The following SLC71A1 variants were observed in gnomAD, a reference collection of about 807,000 sequenced individuals.
The protein encoded by SLC71A1 is hippocampus abundant gene transcript 1.
At chr1:100,076,878 T>A in the SLC71A1 span, among the ~76,000 whole-genome samples, 6 of 152,216 alleles carry the variant, frequency 3.9e-5, no homozygotes, top group Non-Finnish European at 8.8e-5. Context: ...GTTAGAACTT[T>A]TGACCCTTCC....
the SLC71A1 span, chr1:100,077,343 T>C: frequency 2.5e-6 from 2 of 804,232 alleles, no homozygotes; most frequent in Non-Finnish European, 2.1e-6. Context: ...TTTTATTTGC[T>C]TCTCAACTGA....
At chr1:100,053,766 T>G in the SLC71A1 span, among the ~76,000 whole-genome samples, 6 of 152,324 alleles carry the variant, frequency 3.9e-5, no homozygotes, top group Non-Finnish European at 5.9e-5. Flanking sequence ...AAAGCTGTGT[T>G]TTGTGGAAGA....
the SLC71A1 span, among the ~76,000 whole-genome samples, chr1:100,054,183 A>T: frequency 6.6e-6 from 1 of 151,530 alleles, no homozygotes; most frequent in Admixed American, 6.6e-5. Flanking sequence ...CTGGAATTAC[A>T]GGTGCATGTC....
chr1:100,068,573 T>G, the SLC71A1 span: 1 of 1,594,454 alleles, frequency 6.3e-7, no homozygotes, highest in Non-Finnish European at 8.6e-7. Context: ...AGCTTTTTTT[T>G]ATACCTCAGA....
chr1:100,068,352 A>G, the SLC71A1 span: 26 of 928,180 alleles, frequency 2.8e-5, no homozygotes, highest in South Asian at 4.1e-4. Context: ...TATGAAATAA[A>G]TAAAAAGGAC....
At chr1:100,079,324 T>TA in the SLC71A1 span, 1 of 151,170 alleles carries the variant, frequency 6.6e-6, no homozygotes. Context: ...CATCTGAAGA[T>TA]ATGTAACACA....
chr1:100,038,400 C>T, the SLC71A1 span: 5 of 1,119,380 alleles, frequency 4.5e-6, no homozygotes, highest in South Asian at 4.0e-5. Flanking sequence ...CGTCTCTAGG[C>T]GTCCCGGTGC....
chr1:100,042,766 C>G, the SLC71A1 span, among the ~76,000 whole-genome samples: 1 of 152,066 alleles, frequency 6.6e-6, no homozygotes, highest in African/African-American at 2.4e-5. Flanking sequence ...TGCCATCATG[C>G]CCAGCTAATT....
At chr1:100,064,463 C>A in the SLC71A1 span, among the ~76,000 whole-genome samples, 4 of 152,254 alleles carry the variant, frequency 2.6e-5, no homozygotes, top group African/African-American at 7.2e-5. Context: ...TTTAAAAAAC[C>A]ACCACAACCC....
the SLC71A1 span, among the ~76,000 whole-genome samples, chr1:100,056,965 T>C: frequency 6.6e-6 from 1 of 152,344 alleles, no homozygotes; most frequent in African/African-American, 2.4e-5. Context: ...TATTGGTCAC[T>C]TTGAGAAATG....
chr1:100,071,323 A>T, the SLC71A1 span, among the ~76,000 whole-genome samples: 1 of 145,500 alleles, frequency 6.9e-6, no homozygotes, highest in Non-Finnish European at 1.5e-5. Flanking sequence ...AAAAGAAAGA[A>T]AGCCCGGTGT....
the SLC71A1 span, among the ~76,000 whole-genome samples, chr1:100,047,103 AAG>A: frequency 6.6e-6 from 1 of 152,166 alleles, no homozygotes; most frequent in Non-Finnish European, 1.5e-5. Context: ...TTTGTTGAAT[AAG>A]AGTGGCGAAA....
the SLC71A1 span, among the ~76,000 whole-genome samples, chr1:100,042,619 T>C: frequency 5.3e-5 from 8 of 151,868 alleles, no homozygotes; most frequent in Non-Finnish European, 1.2e-4. Context: ...TTTTTTTTTT[T>C]CTTTTGAGAC....
At chr1:100,060,012 G>A in the SLC71A1 span, 1 of 1,597,706 alleles carries the variant, frequency 6.3e-7, no homozygotes. Context: ...CATGGTATGT[G>A]CACATTTAGA....
chr1:100,076,100 T>G, the SLC71A1 span, among the ~76,000 whole-genome samples: 1 of 152,236 alleles, frequency 6.6e-6, no homozygotes, highest in South Asian at 2.1e-4. Flanking sequence ...CTCACGTGAT[T>G]TAAGTGAAAG....
At chr1:100,058,733 G>A in the SLC71A1 span, 1 of 1,541,768 alleles carries the variant, frequency 6.5e-7, no homozygotes, top group Non-Finnish European at 9.0e-7. Context: ...GTAAAGGTAG[G>A]ATCAGTCATA....
chr1:100,061,549 C>CA, the SLC71A1 span, among the ~76,000 whole-genome samples: 3 of 152,074 alleles, frequency 2.0e-5, no homozygotes, highest in Non-Finnish European at 4.4e-5. Context: ...GCAGAAAAAG[C>CA]AAAATCACTT....
At chr1:100,082,238 A>G in the SLC71A1 span, 1 of 1,566,114 alleles carries the variant, frequency 6.4e-7, no homozygotes, top group Non-Finnish European at 8.8e-7. Flanking sequence ...TTTTTCTATC[A>G]GCACCCAGGT....
chr1:100,051,411 A>G, the SLC71A1 span, among the ~76,000 whole-genome samples: 1 of 151,856 alleles, frequency 6.6e-6, no homozygotes, highest in Non-Finnish European at 1.5e-5. Context: ...GTCATTTTGA[A>G]TATATAGAGC....
Sources: allele counts gnomAD v4.1 joint callset (sites outside exome capture counted in the v4.1 genomes callset), GRCh38; gene constraint gnomAD v4.1.1; transcripts MANE v1.5; gene names NCBI Gene and HGNC (gene_info 2026-07-23, HGNC 2026-07-21).